Variants in FER observed in about 807,000 individuals in gnomAD.
The protein encoded by FER is FER tyrosine kinase, also known as tyrosine-protein kinase Fer.
A neutral mutation model predicts 111.0 loss-of-function variants in FER; 63 were observed. That is an observed-to-expected ratio of 0.57 (90% CI 0.46 to 0.70). FER has a LOEUF of 0.70. Ranked by LOEUF, FER falls within the 30% of genes least tolerant of loss-of-function variation. FER has a pLI of 0.00. For missense variants in FER, 914 were observed against 954.0 expected, an observed-to-expected ratio of 0.96 and a Z score of 0.55; for synonymous variants, 327 against 313.9, an observed-to-expected ratio of 1.04 and a Z score of -0.44.
intron 2 of FER, among the ~76,000 whole-genome samples, chr5:108,797,913 G>C (rs143405368): frequency 1.1e-4 from 16 of 151,976 alleles, no homozygotes; most frequent in Admixed American, 1.0e-3. Flanking sequence ...CTTTTATTTC[G>C]TTTGTTTCAC....
intron 10 of FER, among the ~76,000 whole-genome samples, chr5:108,907,634 A>G (rs1472517790): frequency 6.6e-6 from 1 of 152,098 alleles, no homozygotes; most frequent in African/African-American, 2.4e-5. Context: ...CCATGGATGT[A>G]GATAACCTGG....
At chr5:109,127,076 T>C (rs1048446570) in intron 17 of FER, among the ~76,000 whole-genome samples, 1 of 152,224 alleles carries the variant, frequency 6.6e-6, no homozygotes, top group African/African-American at 2.4e-5. Flanking sequence ...CATTCTTGTG[T>C]TGGGAACGTT....
intron 1 of FER, among the ~76,000 whole-genome samples, chr5:108,754,406 C>CAAAAAA (rs34475850): frequency 3.5e-5 from 3 of 86,538 alleles, no homozygotes; most frequent in East Asian, 5.2e-4. Context: ...GTCCCTGTCT[C>CAAAAAA]AAAAAAAAAA....
intron 8 of FER, among the ~76,000 whole-genome samples, chr5:108,876,261 A>G (rs1002901886): frequency 6.6e-6 from 1 of 152,234 alleles, no homozygotes; most frequent in African/African-American, 2.4e-5. Context: ...AAATTATGTG[A>G]TGTTTAAATA....
At chr5:109,159,076 T>C (rs996379333) in intron 17 of FER, among the ~76,000 whole-genome samples, 2 of 152,162 alleles carry the variant, frequency 1.3e-5, no homozygotes, top group African/African-American at 4.8e-5. Context: ...GAGCAAACTT[T>C]AGGCATATTC....
At chr5:108,805,098 G>A (rs1757058381) in intron 3 of FER, among the ~76,000 whole-genome samples, 2 of 151,810 alleles carry the variant, frequency 1.3e-5, no homozygotes, top group Non-Finnish European at 2.9e-5. Flanking sequence ...ATCTTGAATT[G>A]TAACTCCCAC....
intron 16 of FER, among the ~76,000 whole-genome samples, chr5:109,054,435 T>C (rs1225393686): frequency 6.6e-6 from 1 of 152,218 alleles, no homozygotes; most frequent in African/African-American, 2.4e-5. Context: ...ACTGGTCAAG[T>C]GTCCAAATCG....
At chr5:109,141,017 A>G (rs1429333119) in intron 17 of FER, among the ~76,000 whole-genome samples, 1 of 152,112 alleles carries the variant, frequency 6.6e-6, no homozygotes, top group African/African-American at 2.4e-5. Flanking sequence ...AGACTTAGAA[A>G]ACTTGTAGGA....
intron 17 of FER, among the ~76,000 whole-genome samples, chr5:109,123,606 A>G (rs1180662932): frequency 6.6e-6 from 1 of 152,130 alleles, no homozygotes; most frequent in Non-Finnish European, 1.5e-5. Context: ...AAATTATTTT[A>G]TTTAAACTGA....
At chr5:108,891,667 CT>C (rs373467320) in intron 9 of FER, 3,329 of 140,920 alleles carry the variant, frequency 0.024, 43 homozygotes, top group Non-Finnish European at 0.033. Flanking sequence ...TTTTTTTTTT[CT>C]TTTTTTTTTA....
chr5:109,187,795 C>CAT lies in FER; in HGVS notation c.*222_*223dup, dbSNP rs1759047755. The CAT allele has an allele frequency of 5.4e-6, 3 of 553,500 alleles. No homozygotes were observed. The East Asian group carries it at 9.5e-5, about 17-fold the overall frequency. 34.3% of individuals were successfully genotyped at this position (553,500 alleles called of 1,614,324 possible). On this transcript the variant is annotated 3_prime_UTR_variant, in exon 20 of 20. Coordinates refer to ENST00000281092, the MANE Select transcript of FER (RefSeq NM_005246.4). ...CCTACCAAGGGCTTTCTTAGCTAAC[C>CAT]ATAGCAATCCTACCATTTCAGGCCA...
At chr5:108,841,758 G>A (rs1028125008) in intron 5 of FER, 1 of 326,646 alleles carries the variant, frequency 3.1e-6, no homozygotes, top group Non-Finnish European at 5.9e-6. Flanking sequence ...TGAGAGCCAA[G>A]TGGGAGGTCT....
At chr5:109,166,138 T>G (rs993328941) in intron 17 of FER, among the ~76,000 whole-genome samples, 3 of 152,086 alleles carry the variant, frequency 2.0e-5, no homozygotes, top group Admixed American at 6.6e-5. Flanking sequence ...GATTTTCTTT[T>G]TTTTTTTCAT....
In FER at chr5:109,015,666, G is replaced by A. The variant is rs146285433; in HGVS notation, c.1657-21756G>A. 7.7e-3 allele frequency among the ~76,000 whole-genome samples: 1,169 copies of A among 152,166 alleles called. 12 individuals carry two copies. Among genetic ancestry groups the A allele is most frequent in the Middle Eastern group, 0.027 (8 of 294 alleles). ...CAGGATCAGCACATCATGCCTCGGG[G>A]AAGCAGGAGACAGCATTATATATGG... On this transcript the variant is annotated intron_variant, in intron 13 of 19. Transcript: ENST00000281092.
chr5:108,788,987 C>T (rs1265468732), intron 2 of FER, among the ~76,000 whole-genome samples: 1 of 152,180 alleles, frequency 6.6e-6, no homozygotes. Context: ...CTTCATTTCT[C>T]AAGCTATGTT....
chr5:109,008,109 A>C (rs981844205), intron 13 of FER, among the ~76,000 whole-genome samples: 1 of 152,202 alleles, frequency 6.6e-6, no homozygotes, highest in Non-Finnish European at 1.5e-5. Context: ...ACAGAAAGAC[A>C]AACTAGTGGA....
chr5:108,913,155 A>C (rs759569699), intron 10 of FER, among the ~76,000 whole-genome samples: 7 of 152,218 alleles, frequency 4.6e-5, no homozygotes, highest in African/African-American at 7.2e-5. Context: ...TGCTATTATT[A>C]TACCTACTGC....
intron 16 of FER, among the ~76,000 whole-genome samples, chr5:109,059,482 C>A (rs376171092): frequency 2.6e-5 from 4 of 152,180 alleles, no homozygotes; most frequent in Admixed American, 2.6e-4. Flanking sequence ...GAGCTGAGAT[C>A]GTGCCACTGC....
intron 13 of FER, among the ~76,000 whole-genome samples, chr5:108,975,838 A>G (rs912725951): frequency 6.6e-6 from 1 of 152,158 alleles, no homozygotes; most frequent in Non-Finnish European, 1.5e-5. Context: ...GGTGAAAGAG[A>G]GGTTTTAAGG....
Sources: gnomAD v4.1 joint callset for allele counts (sites outside exome capture counted in the v4.1 genomes callset) on GRCh38, gnomAD v4.1.1 for gene constraint, MANE v1.5 for transcripts, NCBI Gene and HGNC (gene_info 2026-07-23, HGNC 2026-07-21) for gene names.